PAXIP1: variants seen among roughly 807,000 people sequenced by gnomAD.
The protein encoded by PAXIP1 is PAX interacting protein 1.
PAXIP1 carries 19 observed loss-of-function variants against 140.6 expected under a neutral mutation model. That is an observed-to-expected ratio of 0.14 (90% CI 0.09 to 0.20). The LOEUF (loss-of-function observed/expected upper bound fraction) is 0.20. Ranked by LOEUF, PAXIP1 falls within the 10% of genes least tolerant of loss-of-function variation. The probability of loss-of-function intolerance (pLI) is 1.00; values close to 1 mark genes in which losing one functional copy is unlikely to be tolerated. For missense variants in PAXIP1, 920 were observed against 1,208.6 expected (o/e 0.76, Z 3.54); for synonymous variants, 442 against 444.6 (o/e 0.99, Z 0.07).
Position 154,954,383 on chromosome 7 carries a change from T to C in PAXIP1, c.2693A>G (p.Gln898Arg). 2 of 1,594,044 alleles carry C rather than the reference T, an allele frequency of 1.3e-6. No homozygotes were observed. The highest frequency in any genetic ancestry group is 1.1e-5 in the South Asian group (1 of 89,022). ...GCTGGCAATGAGGTGTGTGCACTTC[T>C]GTGCAGACTCCGCAACCTCTCCACC... Reference protein sequence around the residue: ...ILGGEVAESAQKCTHLIASKV... With the variant: ...ILGGEVAESARKCTHLIASKV... The change falls in exon 16 of 21, where the codon CAG (glutamine) becomes CGG (arginine). Residue 898 changes from glutamine (Q) to arginine (R), a missense_variant. Coordinates refer to ENST00000404141, the MANE Select transcript of PAXIP1 (RefSeq NM_007349.4). The surrounding 1 kb of genome is among the most constrained non-coding windows in gnomAD (Gnocchi z 5.1).
intron 4 of PAXIP1, among the ~76,000 whole-genome samples, chr7:154,989,519 G>A (rs1354381919): frequency 6.6e-6 from 1 of 152,048 alleles, no homozygotes; most frequent in Non-Finnish European, 1.5e-5. Flanking sequence ...AAATAAGATG[G>A]GACATCCTAC....
At position 154,974,806 on chromosome 7, in the gene PAXIP1, C is replaced by G. The variant is rs963727379; in HGVS notation, c.1074+890G>C. Among the ~76,000 whole-genome samples, 3 of 151,890 alleles carry G rather than the reference C, an allele frequency of 2.0e-5. No individual in the cohort carries two copies. In the South Asian group the frequency reaches 6.2e-4, roughly 32 times the overall value. Reference sequence around the variant, plus strand: ...GAAAAATGCAGAGTGGCCAATATACCACCTCAACTACCTTCTTTCTGTCTT... The same window carrying G: ...GAAAAATGCAGAGTGGCCAATATACGACCTCAACTACCTTCTTTCTGTCTT... On this transcript the variant is annotated intron_variant, in intron 6 of 20. Coordinates refer to ENST00000404141, the MANE Select transcript of PAXIP1 (RefSeq NM_007349.4).
At chr7:154,970,415 A>G (rs961615235) in intron 6 of PAXIP1, among the ~76,000 whole-genome samples, 8 of 152,242 alleles carry the variant, frequency 5.3e-5, no homozygotes, top group Non-Finnish European at 8.8e-5. Flanking sequence ...TTTAGAATTG[A>G]AATAAGTCAA....
intron 13 of PAXIP1, among the ~76,000 whole-genome samples, chr7:154,957,826 G>A (rs1226446842): frequency 6.6e-6 from 1 of 151,434 alleles, no homozygotes; most frequent in African/African-American, 2.4e-5. Flanking sequence ...AATTAGCCGG[G>A]CGCGGTGGCA....
At position 154,957,166 on chromosome 7, in the gene PAXIP1, T is replaced by C. The variant is rs866075962; in HGVS notation, c.2549+58A>G. ...AGAAACTTTCCTCAATTGCCACCGATTTTCCAAAGCAGACCTGTGAAAGCC... is the reference window on the plus strand; with the variant it reads ...AGAAACTTTCCTCAATTGCCACCGACTTTCCAAAGCAGACCTGTGAAAGCC... On this transcript the variant is annotated intron_variant, in intron 14 of 20. Coordinates refer to ENST00000404141, the MANE Select transcript of PAXIP1 (RefSeq NM_007349.4). 4.4e-6 allele frequency: 4 copies of C among 910,784 alleles called. No homozygotes were observed. In the Middle Eastern group the frequency reaches 6.5e-4, roughly 148 times the overall value. The allele number at this position is 910,784 out of a possible 1,614,324, so 56.4% of individuals were successfully genotyped here.
chr7:154,952,020 C>T (rs1300456471), intron 16 of PAXIP1: 3 of 152,168 alleles, frequency 2.0e-5, no homozygotes, highest in South Asian at 2.1e-4. Context: ...AATAGACTAT[C>T]TCCTTCTAAA....
chr7:154,955,393 T>C, intron 15 of PAXIP1, 136 bp downstream of exon 15: 1 of 600,114 alleles, frequency 1.7e-6, no homozygotes, highest in Non-Finnish European at 3.0e-6. Flanking sequence ...CTACTAAAAA[T>C]ACTTCATAAA....
At chr7:154,962,533 T>C (rs1363728014) in intron 9 of PAXIP1, 75 bp from the exon 10 acceptor site, 7 of 1,338,978 alleles carry the variant, frequency 5.2e-6, no homozygotes, top group Admixed American at 2.2e-5. Context: ...TAAGGTTGTA[T>C]AACTACAATG....
chr7:155,001,345 G>A (rs991882083), intron 1 of PAXIP1: 1 of 151,938 alleles, frequency 6.6e-6, no homozygotes, highest in Non-Finnish European at 1.5e-5. Flanking sequence ...AGAGAAAAAT[G>A]GTGGATAGCA....
chr7:154,989,779 T>G (rs1396736548), intron 4 of PAXIP1, among the ~76,000 whole-genome samples: 2 of 152,222 alleles, frequency 1.3e-5, no homozygotes, highest in South Asian at 2.1e-4. Flanking sequence ...GGTGTAATAT[T>G]GTACATACCT....
intron 5 of PAXIP1, among the ~76,000 whole-genome samples, chr7:154,982,326 G>A (rs980078966): frequency 2.6e-5 from 4 of 152,122 alleles, no homozygotes; most frequent in Non-Finnish European, 4.4e-5. Context: ...ATCTGATTAG[G>A]TCTGGGAAGA....
chr7:154,963,773 A>C lies in PAXIP1; in HGVS notation c.1894-7T>G. On this transcript the variant is annotated splice_region_variant and splice_polypyrimidine_tract_variant and intron_variant, in intron 8 of 20. Transcript: ENST00000404141. This position sits in a 1 kb window ranked among gnomAD's most constrained non-coding sequence, Gnocchi z 4.1. ...CGCCATGTGCCTGGATTATCTACAC[A>C]CAAAGACCCGACCAATGCAGTCATC... 2.5e-6 allele frequency: 4 copies of C among 1,604,236 alleles called. No individual in the cohort carries two copies. The highest frequency in any genetic ancestry group is 3.4e-6 in the Non-Finnish European group (4 of 1,172,228).
At chr7:154,948,122 C>T (rs1808081062) in intron 16 of PAXIP1, 119 bp from the exon 17 acceptor site, 3 of 726,932 alleles carry the variant, frequency 4.1e-6, no homozygotes, top group Admixed American at 1.9e-5. Flanking sequence ...TTTACCTGTA[C>T]AGCCTTCGGA....
intron 8 of PAXIP1, chr7:154,964,058 G>A: frequency 2.8e-6 from 1 of 357,468 alleles, no homozygotes; most frequent in South Asian, 2.7e-5. Flanking sequence ...TCTGGACCAG[G>A]GAGTTCTGGG....
chr7:154,954,178 G>A lies in PAXIP1; in HGVS notation c.2821+77C>T. On this transcript the variant is annotated intron_variant, in intron 16 of 20. Coordinates refer to ENST00000404141, the MANE Select transcript of PAXIP1 (RefSeq NM_007349.4). The surrounding 1 kb of genome is among the most constrained non-coding windows in gnomAD (Gnocchi z 5.1). ...TAGTTTAAAAATTAAATATTTGTTG[G>A]GATGAAAAGAGATGAATTCAAGAAA... The A allele has an allele frequency of 1.0e-6, 1 of 979,496 alleles. No homozygotes were observed. The highest frequency in any genetic ancestry group is 3.2e-5 in the South Asian group (1 of 31,288). 60.7% of individuals were successfully genotyped at this position (979,496 alleles called of 1,614,324 possible). A position where few individuals can be genotyped will look rare whatever the true frequency, so the allele number is the denominator to read the frequency against.
intron 5 of PAXIP1, among the ~76,000 whole-genome samples, chr7:154,979,331 T>C (rs1311543898): frequency 6.6e-6 from 1 of 152,232 alleles, no homozygotes; most frequent in Admixed American, 6.5e-5. Flanking sequence ...GGTAGTTTTA[T>C]TAGGCCATTT....
rs1384689419 is a variant in PAXIP1, at chr7:154,956,083, C to A, written c.2550-452G>T. On this transcript the variant is annotated intron_variant, in intron 14 of 20. Coordinates refer to ENST00000404141, the MANE Select transcript of PAXIP1 (RefSeq NM_007349.4). The surrounding 1 kb of genome is among the most constrained non-coding windows in gnomAD (Gnocchi z 4.2). ...CACCATCAATACAAGTCAGCCAAGA[C>A]GAGTGTCGCTAGAGCTTCCAGTGTC... Among the ~76,000 whole-genome samples the A allele has an allele frequency of 6.6e-6, 1 of 152,198 alleles. No individual in the cohort carries two copies. Among genetic ancestry groups the A allele is most frequent in the Non-Finnish European group, 1.5e-5 (1 of 68,038 alleles).
intron 6 of PAXIP1, among the ~76,000 whole-genome samples, chr7:154,971,116 G>A (rs73493712): frequency 0.038 from 5,714 of 152,296 alleles, 291 homozygotes; most frequent in East Asian, 0.19. Flanking sequence ...GATTGGCCAA[G>A]AGGACTCAGC....
At chr7:154,957,580 T>C (rs1808574068) in intron 13 of PAXIP1, among the ~76,000 whole-genome samples, 1 of 152,218 alleles carries the variant, frequency 6.6e-6, no homozygotes, top group African/African-American at 2.4e-5. Context: ...TTTGTTGCTT[T>C]TTTTCCTCCA....
Sources: allele counts gnomAD v4.1 joint callset (sites outside exome capture counted in the v4.1 genomes callset), GRCh38; gene constraint gnomAD v4.1.1; non-coding constraint Gnocchi (gnomAD v3.1); transcripts MANE v1.5; gene names NCBI Gene and HGNC (gene_info 2026-07-23, HGNC 2026-07-21).